The following HPGD variants were observed in gnomAD, a reference collection of about 807,000 sequenced individuals.
HPGD encodes 15-hydroxyprostaglandin dehydrogenase [NAD(+)].
HPGD carries 29 observed loss-of-function variants against 30.0 expected under a neutral mutation model. That is an observed-to-expected ratio of 0.97 (90% CI 0.72 to 1.32). HPGD has a LOEUF of 1.32. HPGD is among the 40% of genes most tolerant of loss of function. HPGD has a pLI of 0.00. For missense variants in HPGD, 340 were observed against 322.1 expected (o/e 1.06, Z -0.43); for synonymous variants, 99 against 112.4 (o/e 0.88, Z 0.75).
Position 174,517,982 on chromosome 4 carries a change from G to T in HPGD, c.313C>A (p.Gln105Lys), listed in dbSNP as rs751774080. The T allele has an allele frequency of 6.5e-7, 1 of 1,533,486 alleles. No individual in the cohort carries two copies. The highest frequency in any genetic ancestry group is 9.0e-7 in the Non-Finnish European group (1 of 1,107,164). The allele number at this position is 1,533,486 out of a possible 1,614,324, so 95.0% of individuals were successfully genotyped here. Reference protein sequence around the residue: ...NNEKNWEKTLQINLVSVISGT... With the variant: ...NNEKNWEKTLKINLVSVISGT... Reference sequence around the variant, plus strand: ...CTAAGATAACTCACCAAATTAATTTGCAGAGTTTTTTCCCAGTTTTTCTCA... The same window carrying T: ...CTAAGATAACTCACCAAATTAATTTTCAGAGTTTTTTCCCAGTTTTTCTCA... Residue 105 changes from glutamine to lysine, a missense_variant, in exon 3 of 7, where the codon CAA becomes AAA. By Grantham distance (53) the Gln-to-Lys change is moderately conservative (BLOSUM62 1). Transcript: ENST00000296522.
chr4:174,493,529 A>C lies in HPGD; in HGVS notation c.499-215T>G. The C allele has an allele frequency of 6.1e-6, 3 of 493,360 alleles. 1 individual carries two copies. Among genetic ancestry groups the C allele is most frequent in the Non-Finnish European group, 1.1e-5 (3 of 275,648 alleles). 30.6% of individuals were successfully genotyped at this position (493,360 alleles called of 1,614,324 possible). On this transcript the variant is annotated intron_variant, in intron 5 of 6. Coordinates refer to ENST00000296522, the MANE Select transcript of HPGD (RefSeq NM_000860.6). ...AATCTCACCTAATTAATTTTTTTTAAAAATCAGTATTACTGGACAACTCCT... is the reference window on the plus strand; with the variant it reads ...AATCTCACCTAATTAATTTTTTTTACAAATCAGTATTACTGGACAACTCCT...
Position 174,508,836 on chromosome 4 carries a change from C to T in HPGD, c.325-44G>A, listed in dbSNP as rs762571057. ...TGAGAAAAGGAATACAGTCATTATCCTTTCCCATATTTTCACACACCAAAG... is the reference window on the plus strand; with the variant it reads ...TGAGAAAAGGAATACAGTCATTATCTTTTCCCATATTTTCACACACCAAAG... On this transcript the variant is annotated intron_variant, in intron 3 of 6. Transcript: ENST00000296522. The T allele has an allele frequency of 1.1e-5, 12 of 1,054,278 alleles. No individual in the cohort carries two copies. The Admixed American group carries it at 2.0e-4, about 18-fold the overall frequency. 65.3% of individuals were successfully genotyped at this position (1,054,278 alleles called of 1,614,324 possible). A position where few individuals can be genotyped will look rare whatever the true frequency, so the allele number is the denominator to read the frequency against.
At chr4:174,517,920 C>T (rs1468340430) in intron 3 of HPGD, 51 bp downstream of exon 3, 2 of 964,950 alleles carry the variant, frequency 2.1e-6, no homozygotes, top group Non-Finnish European at 3.3e-6. Flanking sequence ...TCTTTACAAA[C>T]ATCATGTTAT....
At chr4:174,510,560 A>AT (rs779579271) in intron 3 of HPGD, among the ~76,000 whole-genome samples, 3 of 152,138 alleles carry the variant, frequency 2.0e-5, no homozygotes, top group Non-Finnish European at 4.4e-5. Flanking sequence ...AAAATTTGAG[A>AT]TTTTTTAAGA....
At chr4:174,504,761 C>T (rs1330424071) in intron 4 of HPGD, among the ~76,000 whole-genome samples, 1 of 151,892 alleles carries the variant, frequency 6.6e-6, no homozygotes, top group Non-Finnish European at 1.5e-5. Flanking sequence ...TGTAGTGAGC[C>T]GAGATCGCGC....
chr4:174,512,569 T>G (rs1863641), intron 3 of HPGD, among the ~76,000 whole-genome samples: 9 of 152,144 alleles, frequency 5.9e-5, no homozygotes, highest in Non-Finnish European at 8.8e-5. Context: ...AAAAAAGAGT[T>G]ATATAAACTA....
At chr4:174,513,462 T>A (rs548952556) in intron 3 of HPGD, among the ~76,000 whole-genome samples, 5 of 143,490 alleles carry the variant, frequency 3.5e-5, no homozygotes, top group African/African-American at 1.1e-4. Context: ...AAATGCATAT[T>A]TTTTTTTTTT....
chr4:174,501,426 G>C (rs1051314788), intron 4 of HPGD, among the ~76,000 whole-genome samples: 2 of 152,114 alleles, frequency 1.3e-5, no homozygotes, highest in African/African-American at 4.8e-5. Context: ...GAGAAATCCT[G>C]TGTGCTTAAA....
chr4:174,522,662 C>A, upstream of HPGD: 1 of 470,870 alleles, frequency 2.1e-6, no homozygotes, highest in South Asian at 4.0e-5. Flanking sequence ...GCTTCGCGAT[C>A]TTTGCCTTCC....
chr4:174,502,264 C>T (rs1418264970), intron 4 of HPGD, among the ~76,000 whole-genome samples: 1 of 152,196 alleles, frequency 6.6e-6, no homozygotes, highest in African/African-American at 2.4e-5. Flanking sequence ...ACCAAAGTAA[C>T]TGGTGAACTT....
intron 4 of HPGD, among the ~76,000 whole-genome samples, chr4:174,497,102 C>T (rs1223653437): frequency 6.6e-6 from 1 of 152,154 alleles, no homozygotes; most frequent in African/African-American, 2.4e-5. Flanking sequence ...TTGTTAGTCC[C>T]TGCTTTACCC....
chr4:174,509,043 C>T (rs1560983775), intron 3 of HPGD, among the ~76,000 whole-genome samples: 2 of 152,180 alleles, frequency 1.3e-5, no homozygotes, highest in East Asian at 3.8e-4. Context: ...AGATTTTATG[C>T]TACAGGTTGT....
At chr4:174,497,701 C>G (rs1311287000) in intron 4 of HPGD, among the ~76,000 whole-genome samples, 11 of 149,598 alleles carry the variant, frequency 7.4e-5, no homozygotes, top group African/African-American at 2.5e-4. Context: ...CCTCAGCCTC[C>G]CAAGTAGCTG....
chr4:174,504,840 AAC>A lies in HPGD; in HGVS notation c.421+3854_421+3855del, dbSNP rs1735106135. Among the ~76,000 whole-genome samples the A allele has an allele frequency of 2.0e-5, 3 of 151,198 alleles. No homozygotes were observed. The East Asian group carries it at 5.8e-4, about 29-fold the overall frequency. Reference sequence around the variant, plus strand: ...AAACAAACAAACAAACAAACAAACAAACAAACAAACAAACGGAGTGCATTTGA... The same window carrying A: ...AAACAAACAAACAAACAAACAAACAAAAACAAACAAACGGAGTGCATTTGA... On this transcript the variant is annotated intron_variant, in intron 4 of 6. Transcript: ENST00000296522.
intron 4 of HPGD, among the ~76,000 whole-genome samples, chr4:174,501,704 A>G (rs17360116): frequency 0.026 from 3,963 of 152,298 alleles, 77 homozygotes; most frequent in Non-Finnish European, 0.041. Flanking sequence ...ACGAAATAAT[A>G]TATATAGCAC....
intron 3 of HPGD, among the ~76,000 whole-genome samples, chr4:174,511,122 A>G (rs943298239): frequency 2.6e-5 from 4 of 151,958 alleles, no homozygotes; most frequent in African/African-American, 9.7e-5. Context: ...ATAACAGTTT[A>G]TAAATTATAG....
intron 3 of HPGD, 60 bp from the exon 4 acceptor site, chr4:174,508,852 C>T (rs1735324966): frequency 1.1e-6 from 1 of 918,428 alleles, no homozygotes; most frequent in Non-Finnish European, 1.8e-6. Context: ...CATATTTTCA[C>T]ACACCAAAGT....
At chr4:174,504,822 C>G (rs1579285339) in intron 4 of HPGD, among the ~76,000 whole-genome samples, 2 of 37,958 alleles carry the variant, frequency 5.3e-5, no homozygotes, top group Non-Finnish European at 1.6e-4. Flanking sequence ...TCAAAACAAA[C>G]AAACAAACAA....
intron 4 of HPGD, among the ~76,000 whole-genome samples, chr4:174,502,425 T>C (rs1412855383): frequency 6.6e-6 from 1 of 151,924 alleles, no homozygotes; most frequent in Non-Finnish European, 1.5e-5. Context: ...ACGCCTGTAA[T>C]CCCAGCACTT....
Sources: allele counts gnomAD v4.1 joint callset (sites outside exome capture counted in the v4.1 genomes callset), GRCh38; gene constraint gnomAD v4.1.1; transcripts MANE v1.5; gene names NCBI Gene and HGNC (gene_info 2026-07-23, HGNC 2026-07-21).